Variants in STIM1 observed in about 807,000 individuals in gnomAD.
STIM1 encodes the protein stromal interaction molecule 1.
A neutral mutation model predicts 74.7 loss-of-function variants in STIM1; 25 were observed. The ratio of observed to expected loss-of-function variants is 0.33; its 90% CI spans 0.24 to 0.47. STIM1 has a LOEUF of 0.47. Among genes scored for constraint, STIM1 ranks in the 20% least tolerant of loss-of-function variants. The pLI, the probability that STIM1 is intolerant of heterozygous loss-of-function variation, is 1.00. For missense variants in STIM1, 728 were observed against 920.8 expected (o/e 0.79, Z 2.71); for synonymous variants, 328 against 348.8 (o/e 0.94, Z 0.66).
intron 2 of STIM1, among the ~76,000 whole-genome samples, chr11:4,014,139 G>T (rs11529865): frequency 0.038 from 5,721 of 152,210 alleles, 255 homozygotes; most frequent in East Asian, 0.19. Flanking sequence ...TAATTGTGAT[G>T]TTAGGGTGTC....
intron 1 of STIM1, among the ~76,000 whole-genome samples, chr11:3,863,190 G>A (rs2090697737): frequency 6.6e-6 from 1 of 150,916 alleles, no homozygotes; most frequent in Non-Finnish European, 1.5e-5. Flanking sequence ...CACCACGCCT[G>A]GCCACACACG....
At chr11:4,073,702 G>A (rs999834760) in intron 6 of STIM1, among the ~76,000 whole-genome samples, 4 of 152,092 alleles carry the variant, frequency 2.6e-5, no homozygotes, top group Non-Finnish European at 4.4e-5. Flanking sequence ...AGGTTTTGTC[G>A]GTGAACTGAG....
At chr11:3,966,467 G>A (rs184642163) in intron 1 of STIM1, among the ~76,000 whole-genome samples, 1 of 152,092 alleles carries the variant, frequency 6.6e-6, no homozygotes, top group Non-Finnish European at 1.5e-5. Flanking sequence ...CCTTCTAAAA[G>A]GCGTCACAAC....
intron 3 of STIM1, among the ~76,000 whole-genome samples, chr11:4,027,029 A>G (rs1461497895): frequency 1.3e-5 from 2 of 152,170 alleles, no homozygotes; most frequent in African/African-American, 4.8e-5. Flanking sequence ...TGATTTTTAT[A>G]GTGACCACCC....
intron 1 of STIM1, among the ~76,000 whole-genome samples, chr11:3,921,436 A>G (rs188029949): frequency 3.9e-5 from 6 of 152,334 alleles, no homozygotes; most frequent in Admixed American, 3.9e-4. Context: ...TTGTCATAAT[A>G]TAGTCAAAAG....
At chr11:3,864,438 GA>G (rs1337499807) in intron 1 of STIM1, among the ~76,000 whole-genome samples, 1 of 152,178 alleles carries the variant, frequency 6.6e-6, no homozygotes, top group African/African-American at 2.4e-5. Flanking sequence ...TATTTGGGGG[GA>G]GAGTGTTTGC....
intron 1 of STIM1, 64 bp downstream of exon 1, chr11:3,856,473 T>C: frequency 6.4e-7 from 1 of 1,566,326 alleles, no homozygotes; most frequent in South Asian, 1.2e-5. Context: ...TGGCCCGAAG[T>C]GGGCAAGTTG....
At chr11:3,939,393 C>T (rs1261847042) in intron 1 of STIM1, among the ~76,000 whole-genome samples, 2 of 152,184 alleles carry the variant, frequency 1.3e-5, no homozygotes, top group Non-Finnish European at 2.9e-5. Context: ...AAGTAGGTGA[C>T]TATGACATAG....
At chr11:4,088,545 C>T (rs895681387) in intron 12 of STIM1, 27 of 659,872 alleles carry the variant, frequency 4.1e-5, no homozygotes, top group Non-Finnish European at 6.3e-5. Flanking sequence ...CCTTCCAGTA[C>T]AGATGGAGAG....
intron 1 of STIM1, among the ~76,000 whole-genome samples, chr11:3,966,280 T>C (rs752898680): frequency 3.3e-5 from 5 of 152,216 alleles, no homozygotes; most frequent in Non-Finnish European, 7.3e-5. Flanking sequence ...CATACTTCTA[T>C]TGAATCACAT....
At chr11:3,987,865 T>C (rs1037236453) in intron 2 of STIM1, among the ~76,000 whole-genome samples, 2 of 151,818 alleles carry the variant, frequency 1.3e-5, no homozygotes, top group African/African-American at 4.8e-5. Context: ...TATTTTGTAT[T>C]GCTCATTGAT....
chr11:4,059,020 T>A (rs1590681463), intron 4 of STIM1: 2 of 1,020,754 alleles, frequency 2.0e-6, no homozygotes, highest in East Asian at 8.9e-5. Context: ...GTGGGAATGG[T>A]CACAGACAGG....
chr11:4,059,453 G>A (rs775198056), intron 5 of STIM1, 57 bp downstream of exon 5: 18 of 1,478,712 alleles, frequency 1.2e-5, no homozygotes, highest in Non-Finnish European at 1.6e-5. Flanking sequence ...AGCTGTTGTA[G>A]TGGATAGGCT....
At chr11:4,031,146 T>C (rs2094046712) in intron 3 of STIM1, among the ~76,000 whole-genome samples, 1 of 152,214 alleles carries the variant, frequency 6.6e-6, no homozygotes, top group Non-Finnish European at 1.5e-5. Flanking sequence ...TTATATAATA[T>C]GTACTTTTAA....
intron 12 of STIM1, chr11:4,086,984 T>A (rs1307064060): frequency 1.6e-5 from 21 of 1,327,272 alleles, no homozygotes; most frequent in Non-Finnish European, 6.0e-6. Context: ...AATCTTCTTA[T>A]CCTGTTTGTT....
At chr11:3,964,002 C>T (rs563984297) in intron 1 of STIM1, among the ~76,000 whole-genome samples, 1 of 152,230 alleles carries the variant, frequency 6.6e-6, no homozygotes, top group Non-Finnish European at 1.5e-5. Context: ...TCAGCCTACA[C>T]CAGGCCCTAT....
At chr11:3,903,431 T>C (rs2092397924) in intron 1 of STIM1, 1 of 152,208 alleles carries the variant, frequency 6.6e-6, no homozygotes, top group Non-Finnish European at 1.5e-5. Context: ...CTTTGGAAGA[T>C]GTATAAAGGT....
intron 1 of STIM1, among the ~76,000 whole-genome samples, chr11:3,858,492 AACC>A (rs2090474049): frequency 6.6e-6 from 1 of 152,184 alleles, no homozygotes; most frequent in Non-Finnish European, 1.5e-5. Flanking sequence ...GGTTTGTGGA[AACC>A]TGGAGGTTCT....
intron 1 of STIM1, among the ~76,000 whole-genome samples, chr11:3,947,908 G>T (rs979193433): frequency 6.6e-6 from 1 of 152,190 alleles, no homozygotes; most frequent in African/African-American, 2.4e-5. Context: ...AAGAGACAAC[G>T]TATGTAGAAG....
Sources: allele counts gnomAD v4.1 joint callset (sites outside exome capture counted in the v4.1 genomes callset), GRCh38; gene constraint gnomAD v4.1.1; transcripts MANE v1.5; gene names NCBI Gene and HGNC (gene_info 2026-07-23, HGNC 2026-07-21).